Variants in RMST observed in about 807,000 individuals in gnomAD.
RMST encodes long intergenic non-protein coding RNA 54.
intron 10 of RMST, among the ~76,000 whole-genome samples, chr12:97,501,667 C>G (rs915552643): frequency 6.6e-6 from 1 of 152,144 alleles, no homozygotes; most frequent in Admixed American, 6.5e-5. Flanking sequence ...AGCAAGTTAG[C>G]TCAGCATTGG....
intron 5 of RMST, among the ~76,000 whole-genome samples, chr12:97,487,069 G>T (rs1218912673): frequency 1.3e-5 from 2 of 152,162 alleles, no homozygotes; most frequent in African/African-American, 2.4e-5. Context: ...AATAGCAGGG[G>T]TGAAACAATC....
intron 10 of RMST, among the ~76,000 whole-genome samples, chr12:97,524,536 C>A (rs967987207): frequency 6.6e-6 from 1 of 152,182 alleles, no homozygotes; most frequent in African/African-American, 2.4e-5. Flanking sequence ...GGATAACACC[C>A]ATTATCAGGT....
At chr12:97,531,310 A>G (rs539196348) in intron 11 of RMST, among the ~76,000 whole-genome samples, 64 of 152,150 alleles carry the variant, frequency 4.2e-4, no homozygotes, top group African/African-American at 1.5e-3. Flanking sequence ...TCGTTTCAAG[A>G]CATGCTCAAA....
intron 11 of RMST, among the ~76,000 whole-genome samples, chr12:97,541,028 A>ATATG (rs1555233740): frequency 7.3e-5 from 11 of 151,232 alleles, no homozygotes; most frequent in African/African-American, 2.7e-4. Context: ...ATATATATAT[A>ATATG]TGTGTGTTTT....
intron 11 of RMST, among the ~76,000 whole-genome samples, chr12:97,534,143 A>G (rs971398575): frequency 6.6e-6 from 1 of 151,812 alleles, no homozygotes; most frequent in African/African-American, 2.4e-5. Context: ...TAAATTGTAA[A>G]CAAATACGTT....
intron 11 of RMST, among the ~76,000 whole-genome samples, chr12:97,552,401 G>A (rs1883369539): frequency 6.6e-6 from 1 of 152,152 alleles, no homozygotes; most frequent in Non-Finnish European, 1.5e-5. Context: ...AAGAAATCAA[G>A]GCTTAAAAAT....
At position 97,524,082 on chromosome 12, in the gene RMST, A is replaced by G. The variant is rs1438978638; in HGVS notation, n.1341-6573A>G. ...CAGAGTGAGACTCTGTCTCAAAAAA[A>G]AAAAAAAAAAAAAAAAAAAAATCAC... is the stretch of plus-strand genomic sequence containing the variant. On this transcript the variant is annotated intron_variant and non_coding_transcript_variant, in intron 10 of 13. Transcript: ENST00000640149. Among the ~76,000 whole-genome samples the G allele has an allele frequency of 1.3e-3, 183 of 140,162 alleles. 11 individuals are homozygous for G. Among genetic ancestry groups the G allele is most frequent in the East Asian group, 6.6e-3 (29 of 4,414 alleles). The allele number at this position is 140,162 out of a possible 152,430, so 92.0% of individuals were successfully genotyped here. A position where few individuals can be genotyped will look rare whatever the true frequency, so the allele number is the denominator to read the frequency against.
At chr12:97,516,038 A>G (rs1401464934) in intron 10 of RMST, among the ~76,000 whole-genome samples, 1 of 152,044 alleles carries the variant, frequency 6.6e-6, no homozygotes, top group Non-Finnish European at 1.5e-5. Context: ...TGTATCATCT[A>G]ACTACAACTT....
At chr12:97,493,713 C>T (rs1877110297) in intron 7 of RMST, among the ~76,000 whole-genome samples, 1 of 152,142 alleles carries the variant, frequency 6.6e-6, no homozygotes, top group Admixed American at 6.5e-5. Context: ...AATATGAGCC[C>T]ATCACTAACC....
At chr12:97,514,513 T>C (rs1879733963) in intron 10 of RMST, among the ~76,000 whole-genome samples, 1 of 152,336 alleles carries the variant, frequency 6.6e-6, no homozygotes, top group African/African-American at 2.4e-5. Context: ...TGCCCAAATA[T>C]TAATTTCTAT....
chr12:97,513,254 C>A (rs916899946), intron 10 of RMST, among the ~76,000 whole-genome samples: 1 of 152,202 alleles, frequency 6.6e-6, no homozygotes, highest in Non-Finnish European at 1.5e-5. Flanking sequence ...GAGGAGGTGC[C>A]GAGAGCAAGC....
chr12:97,463,387 G>A (rs10860213), intron 4 of RMST: 16,423 of 152,360 alleles, frequency 0.11, 1,069 homozygotes, highest in East Asian at 0.16. Context: ...ATCTTTGTGA[G>A]GGTATCATCT....
intron 11 of RMST, among the ~76,000 whole-genome samples, chr12:97,546,743 A>T (rs1369641694): frequency 6.6e-6 from 1 of 152,088 alleles, no homozygotes; most frequent in Non-Finnish European, 1.5e-5. Context: ...GTGTCTATAC[A>T]TGGGGAGTGG....
intron 4 of RMST, chr12:97,465,065 T>C (rs1310638477): frequency 6.6e-6 from 1 of 152,278 alleles, no homozygotes; most frequent in East Asian, 1.9e-4. Context: ...GGATTGACTA[T>C]GAAAGGGTGA....
At chr12:97,505,958 C>T (rs1878614428) in intron 10 of RMST, among the ~76,000 whole-genome samples, 1 of 152,120 alleles carries the variant, frequency 6.6e-6, no homozygotes, top group African/African-American at 2.4e-5. Context: ...AAATGTAATA[C>T]ATGCAGGTGT....
intron 3 of RMST, chr12:97,463,064 A>G (rs951344435): frequency 4.9e-5 from 5 of 102,634 alleles, no homozygotes; most frequent in African/African-American, 1.3e-4. Context: ...TCTCTGAAAC[A>G]CACACACACA....
At chr12:97,529,952 G>T (rs2136584774) in intron 10 of RMST, among the ~76,000 whole-genome samples, 1 of 152,156 alleles carries the variant, frequency 6.6e-6, no homozygotes, top group Non-Finnish European at 1.5e-5. Context: ...GTTTTCTAAT[G>T]TTATTATATA....
chr12:97,545,870 C>T (rs1231815566), intron 11 of RMST, among the ~76,000 whole-genome samples: 1 of 152,068 alleles, frequency 6.6e-6, no homozygotes, highest in African/African-American at 2.4e-5. Flanking sequence ...GGATAGGGCA[C>T]ACTTTTTACA....
chr12:97,564,612 C>G (rs1042068074), exon 14 of RMST: 9 of 152,140 alleles, frequency 5.9e-5, no homozygotes, highest in Non-Finnish European at 2.9e-5. Flanking sequence ...GCATACAGTG[C>G]CTAACAAAGT....
Sources: gnomAD v4.1 joint callset for allele counts (sites outside exome capture counted in the v4.1 genomes callset) on GRCh38, gnomAD v4.1.1 for gene constraint, MANE v1.5 for transcripts, NCBI Gene and HGNC (gene_info 2026-07-23, HGNC 2026-07-21) for gene names.